Variants in ZBTB7C observed in about 807,000 individuals in gnomAD.
ZBTB7C encodes zinc finger and BTB domain-containing protein 7C.
Under a neutral mutation model 25.7 loss-of-function variants are expected in ZBTB7C, and 8 were observed. The observed-to-expected ratio is 0.31, with a 90% CI of 0.18 to 0.56. The LOEUF (loss-of-function observed/expected upper bound fraction) is 0.56, where lower values mean the gene tolerates loss of function less well. ZBTB7C is among the 20% of genes least tolerant of loss of function. The pLI is 0.91. For synonymous variants in ZBTB7C, 394 were observed against 369.0 expected, an observed-to-expected ratio of 1.07 and a Z score of -0.78; for missense variants, 824 against 855.2, an observed-to-expected ratio of 0.96 and a Z score of 0.46.
intron 2 of ZBTB7C, among the ~76,000 whole-genome samples, chr18:48,198,778 T>C (rs2042373090): frequency 6.6e-6 from 1 of 152,234 alleles, no homozygotes; most frequent in Non-Finnish European, 1.5e-5. Context: ...CCTTCTGCCG[T>C]GTAACCTAAC....
chr18:48,033,943 C>T (rs186524022), intron 4 of ZBTB7C, among the ~76,000 whole-genome samples: 2 of 152,266 alleles, frequency 1.3e-5, no homozygotes, highest in Non-Finnish European at 2.9e-5. Context: ...ATCCTTGGGG[C>T]CTCTAGTGCT....
chr18:48,079,583 C>T (rs914020834), intron 3 of ZBTB7C, among the ~76,000 whole-genome samples: 1 of 152,180 alleles, frequency 6.6e-6, no homozygotes, highest in Non-Finnish European at 1.5e-5. Context: ...AGCACCTCCT[C>T]GCCAAAGCAG....
intron 4 of ZBTB7C, among the ~76,000 whole-genome samples, chr18:48,030,198 G>A (rs1304076259): frequency 6.6e-6 from 1 of 151,810 alleles, no homozygotes; most frequent in Admixed American, 6.5e-5. Flanking sequence ...ACTCTATTAG[G>A]GGTTTATCTC....
rs55653742 is a variant in ZBTB7C at position 48,365,699 on chromosome 18, GA to G, written c.-303-27302del. Among the ~76,000 whole-genome samples the G allele has an allele frequency of 7.1e-4, 105 of 148,756 alleles. No homozygotes were observed. The East Asian group carries it at 0.014, about 19-fold the overall frequency. On this transcript the variant is annotated intron_variant, in intron 1 of 4. Coordinates refer to ENST00000590800, the MANE Select transcript of ZBTB7C (RefSeq NM_001318841.2). ...GCCATGCAGAGACTCCTAGCCCACAGAAAAAAAAAATAACTCTCTGAGATAA... is the reference window on the plus strand; with the variant it reads ...GCCATGCAGAGACTCCTAGCCCACAGAAAAAAAAATAACTCTCTGAGATAA...
chr18:48,345,411 T>C (rs886294887), intron 1 of ZBTB7C, among the ~76,000 whole-genome samples: 4 of 152,192 alleles, frequency 2.6e-5, no homozygotes, highest in African/African-American at 9.7e-5. Flanking sequence ...CTGACATGCG[T>C]AGAGGTGGAC....
At chr18:48,376,161 G>A (rs956384925) in intron 1 of ZBTB7C, among the ~76,000 whole-genome samples, 1 of 152,190 alleles carries the variant, frequency 6.6e-6, no homozygotes, top group Non-Finnish European at 1.5e-5. Context: ...AGTTCTAATG[G>A]TTAAATAAGT....
At chr18:48,165,259 TG>T (rs1456799557) in intron 3 of ZBTB7C, 1 of 526,786 alleles carries the variant, frequency 1.9e-6, no homozygotes, top group Non-Finnish European at 3.4e-6. Flanking sequence ...CAGCTCTGTC[TG>T]GGAGAAATGT....
intron 3 of ZBTB7C, among the ~76,000 whole-genome samples, chr18:48,043,065 A>ATAAT (rs2036320116): frequency 1.9e-5 from 1 of 52,606 alleles, no homozygotes. Context: ...AGTGGCTAAA[A>ATAAT]TAATAAAAAA....
intron 2 of ZBTB7C, among the ~76,000 whole-genome samples, chr18:48,280,262 G>T (rs568010053): frequency 6.6e-6 from 1 of 151,966 alleles, no homozygotes; most frequent in Non-Finnish European, 1.5e-5. Context: ...GGGTTTCACC[G>T]ACTCCCGAGA....
chr18:48,285,467 T>A (rs2045014930), intron 2 of ZBTB7C, among the ~76,000 whole-genome samples: 2 of 152,356 alleles, frequency 1.3e-5, no homozygotes, highest in Non-Finnish European at 2.9e-5. Context: ...GGTATCTGTA[T>A]AACATATTCT....
At chr18:48,088,074 T>C (rs972005458) in intron 3 of ZBTB7C, among the ~76,000 whole-genome samples, 10 of 152,120 alleles carry the variant, frequency 6.6e-5, no homozygotes, top group Non-Finnish European at 7.3e-5. Context: ...CCACCTTCAA[T>C]CAAATATCGA....
At chr18:48,282,905 T>C (rs73955676) in intron 2 of ZBTB7C, among the ~76,000 whole-genome samples, 15,105 of 152,216 alleles carry the variant, frequency 0.099, 856 homozygotes, top group South Asian at 0.18. Context: ...GCTGAGAATC[T>C]TCTATGTCAT....
At chr18:48,276,297 T>A (rs1022738352) in intron 2 of ZBTB7C, among the ~76,000 whole-genome samples, 7 of 151,786 alleles carry the variant, frequency 4.6e-5, no homozygotes, top group Admixed American at 1.3e-4. Flanking sequence ...TCTAAGTCTT[T>A]TTTATTTATT....
chr18:48,126,184 T>G (rs2039793262), intron 3 of ZBTB7C, among the ~76,000 whole-genome samples: 1 of 152,230 alleles, frequency 6.6e-6, no homozygotes, highest in East Asian at 1.9e-4. Context: ...GTTCTCAGTC[T>G]CTGGTAATAA....
intron 2 of ZBTB7C, among the ~76,000 whole-genome samples, chr18:48,257,576 A>G (rs2044055642): frequency 6.6e-6 from 1 of 152,192 alleles, no homozygotes; most frequent in Non-Finnish European, 1.5e-5. Context: ...TTACCCTGAT[A>G]CCAAAACCAG....
At chr18:48,386,495 G>C (rs1439443897) in intron 1 of ZBTB7C, among the ~76,000 whole-genome samples, 1 of 152,222 alleles carries the variant, frequency 6.6e-6, no homozygotes, top group Non-Finnish European at 1.5e-5. Context: ...TGCCATCTAA[G>C]CTGAAGAGAC....
chr18:48,043,827 T>A (rs1346738178), intron 3 of ZBTB7C, among the ~76,000 whole-genome samples: 3 of 152,136 alleles, frequency 2.0e-5, no homozygotes, highest in Non-Finnish European at 4.4e-5. Context: ...GAGAAGCAAA[T>A]GACGGGAAAC....
intron 3 of ZBTB7C, chr18:48,076,987 G>A: frequency 1.0e-6 from 1 of 981,760 alleles, no homozygotes; most frequent in Non-Finnish European, 1.2e-6. Flanking sequence ...ACTTGGCCAA[G>A]ACAGCACCTA....
intron 2 of ZBTB7C, among the ~76,000 whole-genome samples, chr18:48,328,172 ACT>A (rs1359214845): frequency 2.8e-5 from 4 of 143,518 alleles, no homozygotes; most frequent in Admixed American, 7.1e-5. Flanking sequence ...ACAGAGCGAG[ACT>A]CTGTCTCAAA....
Sources: gnomAD v4.1 joint callset for allele counts (sites outside exome capture counted in the v4.1 genomes callset) on GRCh38, gnomAD v4.1.1 for gene constraint, MANE v1.5 for transcripts, NCBI Gene and HGNC (gene_info 2026-07-23, HGNC 2026-07-21) for gene names.